RUNX3: variants seen among roughly 807,000 people sequenced by gnomAD.
RUNX3 encodes the protein runt-related transcription factor 3.
A neutral mutation model predicts 27.7 loss-of-function variants in RUNX3; 10 were observed. The ratio of observed to expected loss-of-function variants is 0.36; its 90% confidence interval spans 0.22 to 0.61. The LOEUF is 0.61. RUNX3 is among the 20% of genes least tolerant of loss of function. The pLI is 0.72. For missense variants in RUNX3, 469 were observed against 629.5 expected, an observed-to-expected ratio of 0.75 and a Z score of 2.73; for synonymous variants, 270 against 269.2, an observed-to-expected ratio of 1.00 and a Z score of -0.03.
Position 24,964,363 on chromosome 1 carries a change from C to G in RUNX3, c.58+151G>C, listed in dbSNP as rs972376761. ...CACGCCAAGAGACCACAGAGACCAC[C>G]AACCCCTCTTCCCACCTCAGGCTTT... On this transcript the variant is annotated intron_variant, in intron 2 of 6. Coordinates refer to the RUNX3 transcript ENST00000338888. 1.9e-5 allele frequency: 13 copies of G among 676,004 alleles called. No individual in the cohort carries two copies. The African/African-American group carries it at 2.3e-4, about 12-fold the overall frequency. 41.9% of individuals were successfully genotyped at this position (676,004 alleles called of 1,614,324 possible). A position where few individuals can be genotyped will look rare whatever the true frequency, so the allele number is the denominator to read the frequency against.
intron 3 of RUNX3, 97 bp from the exon 4 acceptor site, chr1:24,907,514 A>T: frequency 7.8e-7 from 1 of 1,282,092 alleles, no homozygotes; most frequent in South Asian, 1.5e-5. Flanking sequence ...CTGAGGTCTG[A>T]CCTTAGGCCT....
chr1:24,936,401 A>T (rs759111377), intron 2 of RUNX3, among the ~76,000 whole-genome samples: 2 of 152,016 alleles, frequency 1.3e-5, no homozygotes, highest in Non-Finnish European at 2.9e-5. Context: ...TGCCCACTAC[A>T]CTCTACTCTT....
intron 2 of RUNX3, among the ~76,000 whole-genome samples, chr1:24,947,847 G>A (rs981555050): frequency 2.6e-5 from 4 of 152,222 alleles, no homozygotes; most frequent in African/African-American, 9.6e-5. Context: ...GGGACCCAGA[G>A]CCCAGAGAAG....
In RUNX3 at chr1:24,902,255, G is replaced by T; in HGVS notation, c.1115C>A (p.Ala372Asp). 6.3e-7 allele frequency: 1 copy of T among 1,587,514 alleles called. No homozygotes were observed. The highest frequency in any genetic ancestry group is 8.6e-7 in the Non-Finnish European group (1 of 1,169,282). Residue 372 changes from alanine to aspartate, a missense_variant, in exon 5 of 5, where the codon GCC becomes GAC. By Grantham distance (126) the Ala-to-Asp change is moderately radical. Transcript: ENST00000308873. The surrounding 1 kb of genome is among the most constrained non-coding windows in gnomAD (Gnocchi z 9.2). ...ASCTSSAASV[A>D]AGNLMNPSLG... is the part of the protein sequence containing the mutation. ...GCTGGGGTTCATGAGGTTGCCGGCG[G>T]CGACAGAGGCAGCGCTGCTGGTGCA...
intron 2 of RUNX3, among the ~76,000 whole-genome samples, chr1:24,948,147 G>C (rs1641659737): frequency 6.6e-6 from 1 of 152,236 alleles, no homozygotes; most frequent in East Asian, 1.9e-4. Flanking sequence ...CTCGTGGCAG[G>C]TGTCTGGGGA....
intron 3 of RUNX3, among the ~76,000 whole-genome samples, chr1:24,911,837 C>G (rs1257525455): frequency 6.6e-6 from 1 of 152,240 alleles, no homozygotes; most frequent in African/African-American, 2.4e-5. Flanking sequence ...GGCTGTGGGT[C>G]AGGTAATCTG....
chr1:24,929,644 G>A lies in RUNX3; in HGVS notation c.225C>T (p.Leu75=), dbSNP rs1462392601. ...ELVRTDSPNF[L]CSVLPSHWRC... ...GCCAGTGCGAGGGCAGCACGGAGCAGAGGAAGTTGGGGCTGTCGGTGCGCA... is the reference window on the plus strand; with the variant it reads ...GCCAGTGCGAGGGCAGCACGGAGCAAAGGAAGTTGGGGCTGTCGGTGCGCA... The change falls in exon 1 of 5, where the codon CTC becomes CTT. Residue 75 remains leucine, a synonymous_variant. Transcript: ENST00000308873. The A allele has an allele frequency of 6.2e-7, 1 of 1,607,140 alleles. No individual in the cohort carries two copies. The highest frequency in any genetic ancestry group is 8.5e-7 in the Non-Finnish European group (1 of 1,178,566).
rs1376843659 is a variant in RUNX3, at chr1:24,919,343, C to T, written c.441G>A (p.Gly147=). 1.2e-6 allele frequency: 2 copies of T among 1,608,272 alleles called. No individual in the cohort carries two copies. Among genetic ancestry groups the T allele is most frequent in the East Asian group, 2.3e-5 (1 of 44,294 alleles). The change falls in exon 3 of 5, where the codon GGG becomes GGA. Residue 147 remains glycine, a splice_region_variant and synonymous_variant. Transcript: ENST00000308873. ...DLRFVGRSGR[G]KSFTLTITVF... is the part of the protein sequence containing the mutation. Reference sequence around the variant, plus strand: ...CAGTGATGGTCAGGGTGAAACTCTTCCCTGGGGAGAGTGGGGAATAGAGGC... The same window carrying T: ...CAGTGATGGTCAGGGTGAAACTCTTTCCTGGGGAGAGTGGGGAATAGAGGC...
intron 2 of RUNX3, among the ~76,000 whole-genome samples, chr1:24,949,658 C>T (rs1641708097): frequency 6.6e-6 from 1 of 152,256 alleles, no homozygotes; most frequent in South Asian, 2.1e-4. Context: ...TTTTCATTCC[C>T]CGTGATGTGT....
At chr1:24,945,234 G>A (rs527283235) in intron 2 of RUNX3, among the ~76,000 whole-genome samples, 61 of 152,168 alleles carry the variant, frequency 4.0e-4, no homozygotes, top group African/African-American at 8.9e-4. Flanking sequence ...ATTATTTATC[G>A]TTTATCTGAA....
intron 2 of RUNX3, among the ~76,000 whole-genome samples, chr1:24,951,923 T>G (rs536721909): frequency 6.1e-4 from 93 of 152,234 alleles, no homozygotes; most frequent in African/African-American, 1.6e-3. Flanking sequence ...TGAGCAAGAT[T>G]ATGCCACTGC....
chr1:24,929,918 C>G lies in RUNX3; in HGVS notation c.-50G>C. Reference sequence around the variant, plus strand: ...CAGGCGGAGACGGCGCGGCTTCCCCCGGGGGCGGCCGGCGCGGGCGCCTCC... The same window carrying G: ...CAGGCGGAGACGGCGCGGCTTCCCCGGGGGGCGGCCGGCGCGGGCGCCTCC... On this transcript the variant is annotated 5_prime_UTR_variant, in exon 1 of 5. Transcript: ENST00000308873. The G allele has an allele frequency of 3.3e-6, 4 of 1,225,272 alleles. No homozygotes were observed. The highest frequency in any genetic ancestry group is 3.4e-5 in the East Asian group (1 of 29,746). The allele number at this position is 1,225,272 out of a possible 1,614,324, so 75.9% of individuals were successfully genotyped here.
At chr1:24,929,566 C>T (rs775976481) in intron 1 of RUNX3, 21 bp downstream of exon 1, 1 of 1,591,004 alleles carries the variant, frequency 6.3e-7, no homozygotes, top group Non-Finnish European at 8.5e-7. Context: ...GGCGCCCTCC[C>T]GCCCCGGGTC....
rs886230557 is a variant in RUNX3 at position 24,923,353 on chromosome 1, C to T, written c.440-4009G>A. 9.9e-5 allele frequency among the ~76,000 whole-genome samples: 15 copies of T among 152,114 alleles called. No homozygotes were observed. Among genetic ancestry groups the T allele is most frequent in the African/African-American group, 3.4e-4 (14 of 41,406 alleles). ...CTCCCTGAGTGCCCCTCAGCTACCC[C>T]GGCCCTGCCCAGCTCTCTCTCTGCC... On this transcript the variant is annotated intron_variant, in intron 2 of 4. Transcript: ENST00000308873. This position sits in a 1 kb window ranked among gnomAD's most constrained non-coding sequence, Gnocchi z 5.9.
At position 24,936,660 on chromosome 1, in the gene RUNX3, C is replaced by T. The variant is rs116347778; in HGVS notation, c.59-6808G>A. On this transcript the variant is annotated intron_variant, in intron 2 of 6. Coordinates refer to the RUNX3 transcript ENST00000338888. Reference sequence around the variant, plus strand: ...CTCTCCAGCTACCTCCCGCTGACTCCGCACCTTCCTCTCTCGCAGGCCCTC... The same window carrying T: ...CTCTCCAGCTACCTCCCGCTGACTCTGCACCTTCCTCTCTCGCAGGCCCTC... Among the ~76,000 whole-genome samples, 1,456 of 152,284 alleles carry T rather than the reference C, an allele frequency of 9.6e-3. 24 individuals are homozygous for T. The highest frequency in any genetic ancestry group is 0.013 in the Non-Finnish European group (914 of 68,006).
intron 3 of RUNX3, among the ~76,000 whole-genome samples, chr1:24,912,018 C>T (rs903899901): frequency 2.0e-5 from 3 of 152,230 alleles, no homozygotes; most frequent in Non-Finnish European, 4.4e-5. Context: ...GTGGCCAGGG[C>T]GCCAGAGAGT....
chr1:24,952,451 C>T (rs1641790129), intron 2 of RUNX3, among the ~76,000 whole-genome samples: 1 of 152,220 alleles, frequency 6.6e-6, no homozygotes, highest in African/African-American at 2.4e-5. Flanking sequence ...CACCATTGAA[C>T]ATTGTTTGAA....
chr1:24,903,115 C>A (rs780389692), intron 4 of RUNX3, among the ~76,000 whole-genome samples: 1 of 152,132 alleles, frequency 6.6e-6, no homozygotes, highest in Non-Finnish European at 1.5e-5. Flanking sequence ...CTCCAATGAC[C>A]GTGTGAGACT....
At chr1:24,960,539 A>T (rs984097159) in intron 2 of RUNX3, among the ~76,000 whole-genome samples, 6 of 152,278 alleles carry the variant, frequency 3.9e-5, no homozygotes, top group Admixed American at 3.3e-4. Flanking sequence ...GCCCCCTTAA[A>T]GCCTACATGT....
Sources: gnomAD v4.1 joint callset for allele counts (sites outside exome capture counted in the v4.1 genomes callset) on GRCh38, gnomAD v4.1.1 for gene constraint, Gnocchi (gnomAD v3.1) non-coding constraint, MANE v1.5 for transcripts, NCBI Gene and HGNC (gene_info 2026-07-23, HGNC 2026-07-21) for gene names.